The following CACNA1C variants were observed in gnomAD, a reference collection of about 807,000 sequenced individuals.
The protein encoded by CACNA1C is calcium voltage-gated channel subunit alpha1 C, also known as voltage-dependent L-type calcium channel subunit alpha-1C.
CACNA1C carries 30 observed loss-of-function variants against 229.0 expected under a neutral mutation model. The ratio of observed to expected loss-of-function variants is 0.13; its 90% CI spans 0.10 to 0.18. The LOEUF is 0.18. Ranked by LOEUF, CACNA1C falls within the 10% of genes least tolerant of loss-of-function variation. The pLI is 1.00. For missense variants in CACNA1C, 1,658 were observed against 2,845.0 expected (o/e 0.58, Z 9.49); for synonymous variants, 1,114 against 1,132.5 (o/e 0.98, Z 0.33).
In CACNA1C at chr12:2,068,830, A is replaced by G. The variant is rs140497302; in HGVS notation, c.49+15219A>G. Among the ~76,000 whole-genome samples, 287 of 152,176 alleles carry G rather than the reference A, an allele frequency of 1.9e-3. 1 individual carries two copies. The highest frequency in any genetic ancestry group is 6.0e-3 in the African/African-American group (249 of 41,514). ...CAAGGGCAGCGCTGACCCCAGCTTG[A>G]TCTCTTGCTGGGTCTGGGCAACAAA... On this transcript the variant is annotated intron_variant, in intron 1 of 46. Transcript: ENST00000399655.
chr12:1,984,697 C>T (rs2154468973), intron 1 of CACNA1C, among the ~76,000 whole-genome samples: 1 of 147,438 alleles, frequency 6.8e-6, no homozygotes, highest in South Asian at 2.1e-4. Context: ...CTTCATCCTG[C>T]AATTCCAGCT....
intron 3 of CACNA1C, among the ~76,000 whole-genome samples, chr12:2,327,855 G>T (rs948686125): frequency 7.2e-5 from 11 of 152,210 alleles, no homozygotes; most frequent in African/African-American, 2.7e-4. Flanking sequence ...CTGCTGAGGT[G>T]AAATCACTGG....
chr12:2,154,933 TCTCCGGAGCCG>T (rs2095479554), intron 3 of CACNA1C, among the ~76,000 whole-genome samples: 2 of 152,272 alleles, frequency 1.3e-5, no homozygotes, highest in Admixed American at 1.3e-4. Flanking sequence ...CTCAGGCTGG[TCTCCGGAGCCG>T]GCTCTGTGCT....
chr12:2,326,048 A>C (rs1248496839), intron 3 of CACNA1C, among the ~76,000 whole-genome samples: 1 of 152,226 alleles, frequency 6.6e-6, no homozygotes, highest in East Asian at 1.9e-4. Flanking sequence ...TGGGGGCAGC[A>C]GGGGGAGGCA....
At chr12:2,269,086 A>G (rs1413417210) in intron 3 of CACNA1C, among the ~76,000 whole-genome samples, 1 of 152,194 alleles carries the variant, frequency 6.6e-6, no homozygotes, top group African/African-American at 2.4e-5. Context: ...AGTAGCGGGC[A>G]CATGATTAAA....
Position 1,993,627 on chromosome 12 carries a change from G to GGTGTGTGTGTGTGTGT in CACNA1C, c.139+22441_139+22456dup, listed in dbSNP as rs150056084. Among the ~76,000 whole-genome samples, 835 of 146,656 alleles carry GGTGTGTGTGTGTGTGT rather than the reference G, an allele frequency of 5.7e-3. 9 individuals carry two copies. Among genetic ancestry groups the GGTGTGTGTGTGTGTGT allele is most frequent in the Middle Eastern group, 0.025 (7 of 282 alleles). The stretch of plus-strand genomic sequence containing the variant: ...TAAAATTGAGTCATACTTCATTTGT[G>GGTGTGTGTGTGTGTGT]GTGTGTGTGTGTGTGTGTGTGTGTG... On this transcript the variant is annotated intron_variant, in intron 1 of 46. Coordinates refer to the CACNA1C transcript ENST00000682462.
At position 2,348,574 on chromosome 12, in the gene CACNA1C, A is replaced by G. The variant is rs2097117480; in HGVS notation, c.478-100402A>G. 6.6e-6 allele frequency among the ~76,000 whole-genome samples: 1 copy of G among 152,212 alleles called. No homozygotes were observed. The highest frequency in any genetic ancestry group is 1.5e-5 in the Non-Finnish European group (1 of 68,028). Reference sequence around the variant, plus strand: ...AGGATTTCAAGTCGTCGGCACAAGAAGAGACACTATATTAAGGCCTGGTTA... The same window carrying G: ...AGGATTTCAAGTCGTCGGCACAAGAGGAGACACTATATTAAGGCCTGGTTA... On this transcript the variant is annotated intron_variant, in intron 3 of 46. Coordinates refer to ENST00000399655, the MANE Select transcript of CACNA1C (RefSeq NM_000719.7). This position sits in a 1 kb window ranked among gnomAD's most constrained non-coding sequence, Gnocchi z 4.7.
intron 8 of CACNA1C, among the ~76,000 whole-genome samples, chr12:2,506,761 G>A (rs2099772787): frequency 1.3e-5 from 2 of 152,194 alleles, no homozygotes; most frequent in South Asian, 4.2e-4. Context: ...TGATGAATGA[G>A]CTTGAACTGC....
chr12:2,432,487 A>G (rs1488321921), intron 3 of CACNA1C, among the ~76,000 whole-genome samples: 2 of 152,138 alleles, frequency 1.3e-5, no homozygotes, highest in Non-Finnish European at 2.9e-5. Flanking sequence ...TCTGGGGTTC[A>G]GCTTCTTTTT....
At chr12:2,172,048 T>C (rs1350820991) in intron 3 of CACNA1C, among the ~76,000 whole-genome samples, 1 of 152,202 alleles carries the variant, frequency 6.6e-6, no homozygotes, top group Non-Finnish European at 1.5e-5. Context: ...GTTCCTGCTT[T>C]GGACCGTGGA....
At chr12:2,589,421 G>A (rs1313339506) in intron 18 of CACNA1C, among the ~76,000 whole-genome samples, 4 of 152,340 alleles carry the variant, frequency 2.6e-5, no homozygotes, top group Middle Eastern at 6.8e-3. Context: ...ACATGGAATC[G>A]GAGCGAAGAG....
At chr12:2,637,540 G>A (rs1251434632) in intron 30 of CACNA1C, among the ~76,000 whole-genome samples, 1 of 152,230 alleles carries the variant, frequency 6.6e-6, no homozygotes, top group Non-Finnish European at 1.5e-5. Context: ...TGAGGGGCCT[G>A]CTCTGAAAGC....
chr12:2,642,332 C>T (rs61473768), intron 30 of CACNA1C, among the ~76,000 whole-genome samples: 33,796 of 152,070 alleles, frequency 0.22, 3,826 homozygotes, highest in Middle Eastern at 0.37. Context: ...CCTTCCCCTC[C>T]GTGTAAGGGT....
intron 3 of CACNA1C, among the ~76,000 whole-genome samples, chr12:2,301,163 C>T (rs2094529368): frequency 6.6e-6 from 1 of 152,170 alleles, no homozygotes; most frequent in South Asian, 2.1e-4. Context: ...GCAGGAGGCG[C>T]TTGGCCCCAG....
chr12:2,050,737 G>A (rs528676527), upstream of CACNA1C, among the ~76,000 whole-genome samples: 38 of 152,292 alleles, frequency 2.5e-4, no homozygotes, highest in Admixed American at 1.6e-3. Flanking sequence ...GAAGATGACC[G>A]AAACAGCTTA....
At chr12:2,237,529 CAG>C (rs2067906042) in intron 3 of CACNA1C, among the ~76,000 whole-genome samples, 2 of 152,216 alleles carry the variant, frequency 1.3e-5, no homozygotes, top group African/African-American at 4.8e-5. Flanking sequence ...TCTTGACAGG[CAG>C]CTTTCAGATT....
At chr12:2,685,162 A>G (rs1201494215) in intron 43 of CACNA1C, among the ~76,000 whole-genome samples, 2 of 152,008 alleles carry the variant, frequency 1.3e-5, no homozygotes, top group Non-Finnish European at 2.9e-5. Flanking sequence ...TGTCAAATCT[A>G]CTTCTCATCG....
intron 5 of CACNA1C, among the ~76,000 whole-genome samples, chr12:2,472,623 C>T (rs188720332): frequency 6.6e-6 from 1 of 152,298 alleles, no homozygotes; most frequent in East Asian, 1.9e-4. Context: ...TCTCTCTACA[C>T]ACCCACATAT....
At chr12:2,397,654 A>G (rs1027693591) in intron 3 of CACNA1C, among the ~76,000 whole-genome samples, 1 of 152,234 alleles carries the variant, frequency 6.6e-6, no homozygotes, top group Non-Finnish European at 1.5e-5. Flanking sequence ...AATACACTCA[A>G]TGCTGGCAGA....
Sources: allele counts gnomAD v4.1 joint callset (sites outside exome capture counted in the v4.1 genomes callset), GRCh38; gene constraint gnomAD v4.1.1; non-coding constraint Gnocchi (gnomAD v3.1); transcripts MANE v1.5; gene names NCBI Gene and HGNC (gene_info 2026-07-23, HGNC 2026-07-21).